Variants in SCRT2 observed in about 807,000 individuals in gnomAD.
SCRT2 encodes scratch family transcriptional repressor 2.
Under a neutral mutation model 3.7 loss-of-function variants are expected in SCRT2, and 2 were observed. The ratio of observed to expected loss-of-function variants is 0.54; its 90% CI spans 0.22 to 1.70. The LOEUF is 1.70. SCRT2 is among the 40% of genes most tolerant of loss of function. The pLI is 0.19. For synonymous variants in SCRT2, 256 were observed against 220.6 expected (o/e 1.16, Z -1.42); for missense variants, 456 against 468.5 (o/e 0.97, Z 0.25).
At chr20:671,697 A>G (rs1263229391) in intron 1 of SCRT2, among the ~76,000 whole-genome samples, 2 of 152,182 alleles carry the variant, frequency 1.3e-5, no homozygotes, top group Admixed American at 1.3e-4. Context: ...GCCCATGGGT[A>G]GAAGTAGGAG....
chr20:671,594 C>T (rs765582604), intron 1 of SCRT2, among the ~76,000 whole-genome samples: 8 of 152,294 alleles, frequency 5.3e-5, no homozygotes, highest in South Asian at 2.1e-4. Context: ...GGACATTGGG[C>T]CGGGCTCCCG....
rs1378165328 is a variant in SCRT2, at chr20:675,447, G to A, written c.133+22C>T. ...CCCTCGCCTCTTCTCCCAACCCCCCGCCCCCGCCGGGTCCCACTCACCGTT... is the reference window on the plus strand; with the variant it reads ...CCCTCGCCTCTTCTCCCAACCCCCCACCCCCGCCGGGTCCCACTCACCGTT... On this transcript the variant is annotated intron_variant, in intron 1 of 1. Coordinates refer to ENST00000246104, the MANE Select transcript of SCRT2 (RefSeq NM_033129.4). The surrounding 1 kb of genome is among the most constrained non-coding windows in gnomAD (Gnocchi z 6.9). The A allele has an allele frequency of 7.8e-7, 1 of 1,282,402 alleles. No homozygotes were observed. The highest frequency in any genetic ancestry group is 1.0e-6 in the Non-Finnish European group (1 of 1,002,526). The allele number at this position is 1,282,402 out of a possible 1,614,324, so 79.4% of individuals were successfully genotyped here.
chr20:666,559 C>G lies in SCRT2; in HGVS notation c.134-2098G>C, dbSNP rs548858403. ...CATCACAGATAAGGAAACTGAGGGA[C>G]AGTGTGGTGATGGCACTTGCTCCAG... is the stretch of plus-strand genomic sequence containing the variant. On this transcript the variant is annotated intron_variant, in intron 1 of 1. Transcript: ENST00000246104. This position sits in a 1 kb window ranked among gnomAD's most constrained non-coding sequence, Gnocchi z 4.4. Among the ~76,000 whole-genome samples, 2 of 152,320 alleles carry G rather than the reference C, an allele frequency of 1.3e-5. No individual in the cohort carries two copies. Among genetic ancestry groups the G allele is most frequent in the East Asian group, 3.9e-4 (2 of 5,186 alleles).
rs1381885454 is a variant in SCRT2 at position 666,367 on chromosome 20, G to A, written c.134-1906C>T. ...TTGTTTCAGACTGAGTTAAATACCC[G>A]TCAGGCACTCCCAGACCCCCCTCCT... On this transcript the variant is annotated intron_variant, in intron 1 of 1. Coordinates refer to ENST00000246104, the MANE Select transcript of SCRT2 (RefSeq NM_033129.4). This position sits in a 1 kb window ranked among gnomAD's most constrained non-coding sequence, Gnocchi z 4.4. Among the ~76,000 whole-genome samples the A allele has an allele frequency of 3.3e-5, 5 of 152,060 alleles. No individual in the cohort carries two copies. Among genetic ancestry groups the A allele is most frequent in the Non-Finnish European group, 5.9e-5 (4 of 68,006 alleles).
In SCRT2 at chr20:665,085, A is replaced by T. The variant is rs1291505260; in HGVS notation, c.134-624T>A. 6.6e-6 allele frequency among the ~76,000 whole-genome samples: 1 copy of T among 152,188 alleles called. No individual in the cohort carries two copies. Among genetic ancestry groups the T allele is most frequent in the Non-Finnish European group, 1.5e-5 (1 of 68,018 alleles). ...AACTCTAATCGTCACAGACCCAAGG[A>T]AGTCGGCACTATTGTAATCCCCATT... On this transcript the variant is annotated intron_variant, in intron 1 of 1. Transcript: ENST00000246104. This position sits in a 1 kb window ranked among gnomAD's most constrained non-coding sequence, Gnocchi z 5.0.
chr20:673,193 C>T (rs1002791916), intron 1 of SCRT2, among the ~76,000 whole-genome samples: 8 of 152,204 alleles, frequency 5.3e-5, no homozygotes, highest in Admixed American at 1.3e-4. Context: ...AGTGCCCGAT[C>T]CCAGAAATGC....
In SCRT2 at chr20:675,461, C is replaced by T; in HGVS notation, c.133+8G>A. ...CCCAACCCCCCGCCCCCGCCGGGTC[C>T]CACTCACCGTTGTCCCCGGGAGGCC... On this transcript the variant is annotated splice_region_variant and intron_variant, in intron 1 of 1. Transcript: ENST00000246104. This position sits in a 1 kb window ranked among gnomAD's most constrained non-coding sequence, Gnocchi z 6.9. 1.5e-6 allele frequency: 2 copies of T among 1,323,084 alleles called. No individual in the cohort carries two copies. The highest frequency in any genetic ancestry group is 1.9e-6 in the Non-Finnish European group (2 of 1,029,508). The allele number at this position is 1,323,084 out of a possible 1,614,324, so 82.0% of individuals were successfully genotyped here.
chr20:674,462 A>C, intron 1 of SCRT2, among the ~76,000 whole-genome samples: 1 of 143,850 alleles, frequency 7.0e-6, no homozygotes, highest in East Asian at 2.0e-4. Context: ...GCCACATGTG[A>C]TGTCAGATCT....
intron 1 of SCRT2, among the ~76,000 whole-genome samples, chr20:668,982 G>A (rs1984243766): frequency 6.6e-6 from 1 of 152,218 alleles, no homozygotes; most frequent in Non-Finnish European, 1.5e-5. Context: ...AGGTCACTGA[G>A]AGGGAGGCGG....
At chr20:672,021 C>T (rs1984348540) in intron 1 of SCRT2, among the ~76,000 whole-genome samples, 1 of 151,870 alleles carries the variant, frequency 6.6e-6, no homozygotes, top group Admixed American at 6.6e-5. Flanking sequence ...GGGCCCCGGT[C>T]TGTGGGGAGG....
rs1021960444 is a variant in SCRT2 at position 668,660 on chromosome 20, C to G, written c.134-4199G>C. On this transcript the variant is annotated intron_variant, in intron 1 of 1. Coordinates refer to ENST00000246104, the MANE Select transcript of SCRT2 (RefSeq NM_033129.4). ...GGCCCAGAAATACTTTGGAGATGTG[C>G]ACATGTCACCTGGAAATGACTTTGG... 1.0e-3 allele frequency among the ~76,000 whole-genome samples: 156 copies of G among 152,320 alleles called. 1 individual carries two copies. Among genetic ancestry groups the G allele is most frequent in the Admixed American group, 0.01 (154 of 15,304 alleles).
In SCRT2 at chr20:662,487, C is replaced by T. The variant is rs947564201; in HGVS notation, c.*1184G>A. 6.6e-6 allele frequency: 1 copy of T among 152,360 alleles called. No homozygotes were observed. The highest frequency in any genetic ancestry group is 1.5e-5 in the Non-Finnish European group (1 of 68,214). The allele number at this position is 152,360 out of a possible 1,614,324, so 9.4% of individuals were successfully genotyped here. On this transcript the variant is annotated 3_prime_UTR_variant, in exon 2 of 2. Transcript: ENST00000246104. ...GGCTCTGAAGAGGGTGGGTTTCTCCCGAGACGCGGGGGTGTGTGTGGTGGG... is the reference window on the plus strand; with the variant it reads ...GGCTCTGAAGAGGGTGGGTTTCTCCTGAGACGCGGGGGTGTGTGTGGTGGG...
rs999794554 is a variant in SCRT2, at chr20:675,708, G to C, written c.-107C>G. 13 of 835,358 alleles carry C rather than the reference G, an allele frequency of 1.6e-5. No individual in the cohort carries two copies. The highest frequency in any genetic ancestry group is 1.9e-5 in the Non-Finnish European group (12 of 639,682). 51.7% of individuals were successfully genotyped at this position (835,358 alleles called of 1,614,324 possible). On this transcript the variant is annotated 5_prime_UTR_variant, in exon 1 of 2. Coordinates refer to ENST00000246104, the MANE Select transcript of SCRT2 (RefSeq NM_033129.4). This position sits in a 1 kb window ranked among gnomAD's most constrained non-coding sequence, Gnocchi z 6.9. ...GACAGCTCCCAGCGGGCTGGAGCGC[G>C]GGAGGCCGCTCGGAGCCGGCACCGG... is the stretch of plus-strand genomic sequence containing the variant.
chr20:675,487 C>G lies in SCRT2; in HGVS notation c.115G>C (p.Gly39Arg). ...ETAYVLPGAR[G>R]PPGDNGYAPH... Reference sequence around the variant, plus strand: ...CACTCACCGTTGTCCCCGGGAGGCCCCCGGGCGCCAGGCAGCACGTAGGCT... The same window carrying G: ...CACTCACCGTTGTCCCCGGGAGGCCGCCGGGCGCCAGGCAGCACGTAGGCT... Residue 39 changes from glycine to arginine, a missense_variant, in exon 1 of 2, where the codon GGG becomes CGG. This residue lies in a region of SCRT2 where 306 missense variants were observed against 305.3 expected (regional missense o/e 1.00). Transcript: ENST00000246104. The surrounding 1 kb of genome is among the most constrained non-coding windows in gnomAD (Gnocchi z 6.9). 7.3e-7 allele frequency: 1 copy of G among 1,364,420 alleles called. No individual in the cohort carries two copies. The highest frequency in any genetic ancestry group is 9.5e-7 in the Non-Finnish European group (1 of 1,054,272). 84.5% of individuals were successfully genotyped at this position (1,364,420 alleles called of 1,614,324 possible).
chr20:674,686 G>GGA, intron 1 of SCRT2, among the ~76,000 whole-genome samples: 1 of 131,858 alleles, frequency 7.6e-6, no homozygotes, highest in East Asian at 2.8e-4. Context: ...GAGAAGAGAT[G>GGA]GAGTGTGTGT....
In SCRT2 at chr20:672,981, A is replaced by G. The variant is rs373258779; in HGVS notation, c.133+2488T>C. Among the ~76,000 whole-genome samples, 8 of 152,206 alleles carry G rather than the reference A, an allele frequency of 5.3e-5. No homozygotes were observed. The East Asian group carries it at 7.7e-4, about 15-fold the overall frequency. On this transcript the variant is annotated intron_variant, in intron 1 of 1. Coordinates refer to ENST00000246104, the MANE Select transcript of SCRT2 (RefSeq NM_033129.4). ...GCACCCTCCACCCGCCCAGGGAATAAGGGATCCCTCACTGCCCAGTCTGGC... is the reference window on the plus strand; with the variant it reads ...GCACCCTCCACCCGCCCAGGGAATAGGGGATCCCTCACTGCCCAGTCTGGC...
chr20:674,332 T>C (rs1437380202), intron 1 of SCRT2, among the ~76,000 whole-genome samples: 1 of 149,248 alleles, frequency 6.7e-6, no homozygotes, highest in Non-Finnish European at 1.5e-5. Flanking sequence ...CTTTCTTTTC[T>C]CCTCTCTCAA....
rs1377623129 is a variant in SCRT2 at position 663,812 on chromosome 20, C to T, written c.783G>A (p.Thr261=). ...DRSNLRAHMQ[T]HSAFKHYRCR... is the part of the protein sequence containing the mutation. ...AGCGGTAGTGCTTGAAGGCCGAGTG[C>T]GTCTGCATGTGCGCGCGCAGGTTGG... is the stretch of plus-strand genomic sequence containing the variant. The change falls in exon 2 of 2, where the codon ACG becomes ACA. Residue 261 remains threonine (T), a synonymous_variant. Transcript: ENST00000246104. The surrounding 1 kb of genome is among the most constrained non-coding windows in gnomAD (Gnocchi z 6.9). 14 of 1,596,270 alleles carry T rather than the reference C, an allele frequency of 8.8e-6. No individual in the cohort carries two copies. Among genetic ancestry groups the T allele is most frequent in the Non-Finnish European group, 1.1e-5 (13 of 1,173,644 alleles).
chr20:666,673 C>T lies in SCRT2; in HGVS notation c.134-2212G>A, dbSNP rs1400481250. On this transcript the variant is annotated intron_variant, in intron 1 of 1. Coordinates refer to ENST00000246104, the MANE Select transcript of SCRT2 (RefSeq NM_033129.4). This position sits in a 1 kb window ranked among gnomAD's most constrained non-coding sequence, Gnocchi z 4.4. ...GAGGGGGCTGTGGCTGAGCTGTTCACCTCCCATTCCCAGGGCCCTAGCTAG... is the reference window on the plus strand; with the variant it reads ...GAGGGGGCTGTGGCTGAGCTGTTCATCTCCCATTCCCAGGGCCCTAGCTAG... Among the ~76,000 whole-genome samples the T allele has an allele frequency of 1.3e-5, 2 of 152,212 alleles. No homozygotes were observed. Among genetic ancestry groups the T allele is most frequent in the African/African-American group, 4.8e-5 (2 of 41,472 alleles).
Sources: allele counts gnomAD v4.1 joint callset (sites outside exome capture counted in the v4.1 genomes callset), GRCh38; gene constraint gnomAD v4.1.1; regional missense constraint gnomAD v4.1.1; non-coding constraint Gnocchi (gnomAD v3.1); transcripts MANE v1.5; gene names NCBI Gene and HGNC (gene_info 2026-07-23, HGNC 2026-07-21).